Variants in SLIT3 observed in about 807,000 individuals in gnomAD.
SLIT3 encodes slit homolog 3 protein.
A neutral mutation model predicts 184.0 loss-of-function variants in SLIT3; 68 were observed. The ratio of observed to expected loss-of-function variants is 0.37; its 90% CI spans 0.30 to 0.45. The LOEUF is 0.45. SLIT3 is among the 20% of genes least tolerant of loss of function. SLIT3 has a pLI of 1.00. For missense variants in SLIT3, 1,707 were observed against 2,026.0 expected (o/e 0.84, Z 3.02); for synonymous variants, 831 against 828.6 (o/e 1.00, Z -0.05).
intron 32 of SLIT3, among the ~76,000 whole-genome samples, chr5:168,678,124 C>T (rs1761469404): frequency 6.6e-6 from 1 of 152,186 alleles, no homozygotes; most frequent in Non-Finnish European, 1.5e-5. Context: ...AAATCCAAAC[C>T]TCCCATAATG....
At chr5:169,289,307 AAGAAG>A (rs1767260617) in intron 1 of SLIT3, among the ~76,000 whole-genome samples, 2 of 152,206 alleles carry the variant, frequency 1.3e-5, no homozygotes, top group South Asian at 4.1e-4. Flanking sequence ...CTGGAGAGAG[AAGAAG>A]AGGAGAGAAA....
At chr5:168,673,960 T>G (rs976067933) in intron 32 of SLIT3, among the ~76,000 whole-genome samples, 9 of 152,388 alleles carry the variant, frequency 5.9e-5, no homozygotes, top group South Asian at 2.1e-4. Context: ...CGCTTGTTCT[T>G]TTCAATTGCC....
At chr5:168,796,324 C>T (rs1331850053) in intron 9 of SLIT3, among the ~76,000 whole-genome samples, 3 of 152,190 alleles carry the variant, frequency 2.0e-5, no homozygotes, top group South Asian at 2.1e-4. Context: ...GAGAAGGGGC[C>T]GTGGGGAATG....
At chr5:169,266,038 G>A (rs1332746315) in intron 1 of SLIT3, among the ~76,000 whole-genome samples, 3 of 152,146 alleles carry the variant, frequency 2.0e-5, no homozygotes, top group Non-Finnish European at 4.4e-5. Flanking sequence ...TTAAGGCAAC[G>A]TATTCTTTTC....
intron 4 of SLIT3, among the ~76,000 whole-genome samples, chr5:168,953,674 T>C (rs1762733600): frequency 6.8e-6 from 1 of 147,144 alleles, no homozygotes; most frequent in Non-Finnish European, 1.5e-5. Context: ...CAGAGCCCAG[T>C]GCCTGGCAGA....
chr5:168,977,472 G>A (rs184280985), intron 4 of SLIT3, among the ~76,000 whole-genome samples: 1 of 152,116 alleles, frequency 6.6e-6, no homozygotes, highest in African/African-American at 2.4e-5. Context: ...GTACAATCTG[G>A]TAGGACTATC....
chr5:169,001,945 G>T (rs570800725), intron 4 of SLIT3, among the ~76,000 whole-genome samples: 4 of 152,096 alleles, frequency 2.6e-5, no homozygotes, highest in Non-Finnish European at 5.9e-5. Flanking sequence ...ACTGCAAACG[G>T]TAGGTTTTTA....
chr5:168,796,491 T>C (rs1441122992), intron 9 of SLIT3, among the ~76,000 whole-genome samples: 1 of 152,128 alleles, frequency 6.6e-6, no homozygotes, highest in African/African-American at 2.4e-5. Flanking sequence ...TCCTCATCCA[T>C]CTCCCTTCTC....
intron 33 of SLIT3, 143 bp from the exon 34 acceptor site, chr5:168,671,626 C>G (rs889463077): frequency 4.6e-6 from 4 of 866,158 alleles, no homozygotes; most frequent in Non-Finnish European, 7.0e-6. Flanking sequence ...GCCAAAACCT[C>G]GGACCTCCTC....
chr5:168,874,942 A>G (rs1173176223), intron 5 of SLIT3, among the ~76,000 whole-genome samples: 1 of 152,218 alleles, frequency 6.6e-6, no homozygotes, highest in Non-Finnish European at 1.5e-5. Flanking sequence ...AAAATTCACT[A>G]GAGCAGGACC....
intron 4 of SLIT3, among the ~76,000 whole-genome samples, chr5:168,922,952 G>A (rs556635496): frequency 1.3e-5 from 2 of 152,184 alleles, no homozygotes; most frequent in Non-Finnish European, 2.9e-5. Flanking sequence ...CATATGTAGC[G>A]AAAGTCTTAG....
chr5:168,686,811 G>A (rs183137208), intron 30 of SLIT3, among the ~76,000 whole-genome samples, 168 bp downstream of exon 30: 1 of 152,240 alleles, frequency 6.6e-6, no homozygotes, highest in Non-Finnish European at 1.5e-5. Flanking sequence ...TTTCCCTCAT[G>A]GGGACATGTA....
chr5:169,225,588 C>A (rs2113540113), intron 3 of SLIT3, among the ~76,000 whole-genome samples: 1 of 152,350 alleles, frequency 6.6e-6, no homozygotes, highest in Admixed American at 6.5e-5. Flanking sequence ...ACACCACTAA[C>A]AAAGGCCCCA....
In SLIT3 at chr5:169,070,797, C is replaced by CAA. The variant is rs34764320; in HGVS notation, c.413+122680_413+122681dup. Among the ~76,000 whole-genome samples the CAA allele has an allele frequency of 1.5e-3, 177 of 116,026 alleles. 1 individual carries two copies. Among genetic ancestry groups the CAA allele is most frequent in the African/African-American group, 3.2e-3 (103 of 31,808 alleles). 76.1% of individuals were successfully genotyped at this position (116,026 alleles called of 152,430 possible). Reference sequence around the variant, plus strand: ...CTAGACTTGCTCTCTACATTTTCCTCAAAAAAAAAAAAAAAAAAGAAACAA... The same window carrying CAA: ...CTAGACTTGCTCTCTACATTTTCCTCAAAAAAAAAAAAAAAAAAAAGAAACAA... On this transcript the variant is annotated intron_variant, in intron 4 of 35. Coordinates refer to ENST00000519560, the MANE Select transcript of SLIT3 (RefSeq NM_003062.4).
rs1433153995 is a variant in SLIT3 at position 169,091,433 on chromosome 5, CCTG to C, written c.413+102043_413+102045del. On this transcript the variant is annotated intron_variant, in intron 4 of 35. Transcript: ENST00000519560. ...ATGGAGAAAAAGACACCTCTTCCATCCTGCTTTTCTCTTGACTCATGCAACTCA... is the reference window on the plus strand; with the variant it reads ...ATGGAGAAAAAGACACCTCTTCCATCCTTTTCTCTTGACTCATGCAACTCA... Among the ~76,000 whole-genome samples the C allele has an allele frequency of 1.2e-4, 19 of 152,146 alleles. 1 individual carries two copies. The highest frequency in any genetic ancestry group is 2.5e-4 in the Non-Finnish European group (17 of 68,038).
intron 4 of SLIT3, among the ~76,000 whole-genome samples, chr5:169,192,881 C>G (rs1488596480): frequency 6.6e-6 from 1 of 152,218 alleles, no homozygotes; most frequent in African/African-American, 2.4e-5. Flanking sequence ...CTTCCAAATT[C>G]TCCCACTGAA....
At chr5:168,741,051 C>A (rs1345996947) in intron 20 of SLIT3, among the ~76,000 whole-genome samples, 1 of 152,206 alleles carries the variant, frequency 6.6e-6, no homozygotes, top group Non-Finnish European at 1.5e-5. Context: ...GACCCCAGCT[C>A]AAACTCACGG....
At chr5:168,883,159 C>T in intron 5 of SLIT3, 106 bp downstream of exon 5, 1 of 806,880 alleles carries the variant, frequency 1.2e-6, no homozygotes, top group South Asian at 1.6e-5. Flanking sequence ...TCAATTTCAT[C>T]TCTGAAGGCA....
intron 4 of SLIT3, among the ~76,000 whole-genome samples, chr5:169,125,112 A>G (rs1247005326): frequency 2.0e-5 from 3 of 151,954 alleles, no homozygotes; most frequent in Non-Finnish European, 4.4e-5. Flanking sequence ...CAGTGGCGCA[A>G]TCTCGGCTCA....
Sources: gnomAD v4.1 joint callset for allele counts (sites outside exome capture counted in the v4.1 genomes callset) on GRCh38, gnomAD v4.1.1 for gene constraint, MANE v1.5 for transcripts, NCBI Gene and HGNC (gene_info 2026-07-23, HGNC 2026-07-21) for gene names.